The following VPS26B variants were observed in gnomAD, a reference collection of about 807,000 sequenced individuals.
The protein encoded by VPS26B is VPS26 retromer complex component B, also known as vacuolar protein sorting-associated protein 26B.
A neutral mutation model predicts 33.3 loss-of-function variants in VPS26B; 10 were observed. The ratio of observed to expected loss-of-function variants is 0.30; its 90% CI spans 0.19 to 0.51. The LOEUF (loss-of-function observed/expected upper bound fraction) is 0.51. VPS26B is among the 20% of genes least tolerant of loss of function. The pLI is 0.98. For missense variants in VPS26B, 317 were observed against 452.7 expected (o/e 0.70, Z 2.72); for synonymous variants, 190 against 176.9 (o/e 1.07, Z -0.59).
At chr11:134,241,829 A>T (rs1158401248) in intron 3 of VPS26B, among the ~76,000 whole-genome samples, 1 of 152,234 alleles carries the variant, frequency 6.6e-6, no homozygotes, top group Non-Finnish European at 1.5e-5. Flanking sequence ...TCCTGCTCTT[A>T]CACTAAGAAG....
rs542560 is a variant in VPS26B, at chr11:134,245,113, C to T, written c.864+33C>T. 1.2e-6 allele frequency: 2 copies of T among 1,611,508 alleles called. No individual in the cohort carries two copies. Among genetic ancestry groups the T allele is most frequent in the East Asian group, 2.2e-5 (1 of 44,864 alleles). On this transcript the variant is annotated intron_variant, in intron 5 of 5. Coordinates refer to ENST00000281187, the MANE Select transcript of VPS26B (RefSeq NM_052875.5). This position sits in a 1 kb window ranked among gnomAD's most constrained non-coding sequence, Gnocchi z 4.7. ...CCAGGCTCCTCCAGGCCCCGATGCC[C>T]TTGGGACAGAACAGGAGGCTCTCTT...
intron 1 of VPS26B, among the ~76,000 whole-genome samples, chr11:134,233,266 C>T (rs1253885710): frequency 6.6e-6 from 1 of 152,214 alleles, no homozygotes; most frequent in Admixed American, 6.5e-5. Context: ...TCTTCCTCCC[C>T]AAGCAGCAAA....
chr11:134,243,005 T>G, intron 3 of VPS26B, 114 bp from the exon 4 acceptor site: 1 of 1,008,760 alleles, frequency 9.9e-7, no homozygotes, highest in Admixed American at 2.0e-5. Flanking sequence ...GGTGAGTGTG[T>G]CCTGCAACTG....
At position 134,240,782 on chromosome 11, in the gene VPS26B, TGTGTGTGTGTCC is replaced by T. The variant is rs1449018921; in HGVS notation, c.545+638_545+649del. Among the ~76,000 whole-genome samples the T allele has an allele frequency of 3.6e-5, 5 of 138,012 alleles. No individual in the cohort carries two copies. The highest frequency in any genetic ancestry group is 5.0e-4 in the South Asian group (2 of 4,024). The allele number at this position is 138,012 out of a possible 152,430, so 90.5% of individuals were successfully genotyped here. ...CCCAGCTAATTTGTGTCCGTGTGTG[TGTGTGTGTGTCC>T]GTGTGTGTGTGTGTGTGTGTGTGTG... is the stretch of plus-strand genomic sequence containing the variant. On this transcript the variant is annotated intron_variant, in intron 3 of 5. Transcript: ENST00000281187. This position sits in a 1 kb window ranked among gnomAD's most constrained non-coding sequence, Gnocchi z 4.4.
At chr11:134,228,913 A>C (rs1938517484) in intron 1 of VPS26B, among the ~76,000 whole-genome samples, 2 of 152,182 alleles carry the variant, frequency 1.3e-5, no homozygotes. Flanking sequence ...AGTTGATAGC[A>C]CTGAGCTCTG....
rs747052317 is a variant in VPS26B at position 134,245,423 on chromosome 11, G to GC, written c.865-15dup. The stretch of plus-strand genomic sequence containing the variant: ...ATGCCTCCCTCTAAGGTGTCACATT[G>GC]CCCCCCTTTCAATTCTGCAGGAAGT... On this transcript the variant is annotated intron_variant, in intron 5 of 5. Transcript: ENST00000281187. This position sits in a 1 kb window ranked among gnomAD's most constrained non-coding sequence, Gnocchi z 4.7. 2.5e-6 allele frequency: 4 copies of GC among 1,613,726 alleles called. No homozygotes were observed. The highest frequency in any genetic ancestry group is 3.4e-6 in the Non-Finnish European group (4 of 1,179,716).
In VPS26B at chr11:134,240,774, CGT is replaced by C. The variant is rs145007065; in HGVS notation, c.545+636_545+637del. On this transcript the variant is annotated intron_variant, in intron 3 of 5. Coordinates refer to ENST00000281187, the MANE Select transcript of VPS26B (RefSeq NM_052875.5). The surrounding 1 kb of genome is among the most constrained non-coding windows in gnomAD (Gnocchi z 4.4). ...CCGCCACACCCAGCTAATTTGTGTC[CGT>C]GTGTGTGTGTGTGTGTCCGTGTGTG... 0.01 allele frequency among the ~76,000 whole-genome samples: 1,428 copies of C among 137,670 alleles called. 20 individuals carry two copies. Among genetic ancestry groups the C allele is most frequent in the African/African-American group, 0.033 (1,258 of 37,762 alleles). The allele number at this position is 137,670 out of a possible 152,430, so 90.3% of individuals were successfully genotyped here.
At position 134,224,806 on chromosome 11, in the gene VPS26B, A is replaced by T; in HGVS notation, c.-317A>T. ...GTGCGGCTGCCCCCCGCAGCATTGC[A>T]CGGCCGACCCTCGCCCGCCCACTGC... On this transcript the variant is annotated 5_prime_UTR_variant, in exon 1 of 6. Coordinates refer to ENST00000281187, the MANE Select transcript of VPS26B (RefSeq NM_052875.5). The T allele has an allele frequency of 6.5e-6, 1 of 154,246 alleles. No homozygotes were observed. Among genetic ancestry groups the T allele is most frequent in the East Asian group, 1.9e-4 (1 of 5,258 alleles). The allele number at this position is 154,246 out of a possible 1,614,324, so 9.6% of individuals were successfully genotyped here. A position where few individuals can be genotyped will look rare whatever the true frequency, so the allele number is the denominator to read the frequency against.
chr11:134,243,092 TTACTTTCTG>T lies in VPS26B; in HGVS notation c.546-16_546-8del, dbSNP rs771988678. ...AAGGTCTGGCCACAGTACCAACATC[TTACTTTCTG>T]TACTTTCTGTTCCCCAGATACCACT... On this transcript the variant is annotated intron_variant, in intron 3 of 5. Transcript: ENST00000281187. 2.6e-5 allele frequency: 42 copies of T among 1,612,704 alleles called. No homozygotes were observed. Among genetic ancestry groups the T allele is most frequent in the African/African-American group, 1.5e-4 (11 of 74,896 alleles).
At chr11:134,227,807 A>C (rs944494794) in intron 1 of VPS26B, among the ~76,000 whole-genome samples, 1 of 152,198 alleles carries the variant, frequency 6.6e-6, no homozygotes, top group Non-Finnish European at 1.5e-5. Context: ...GGGTTCCTTT[A>C]TAAAATTATG....
At chr11:134,229,816 C>G (rs1442327424) in intron 1 of VPS26B, among the ~76,000 whole-genome samples, 2 of 152,148 alleles carry the variant, frequency 1.3e-5, no homozygotes, top group African/African-American at 4.8e-5. Flanking sequence ...TCAGTCCTTT[C>G]TTAAAATTCT....
At position 134,240,073 on chromosome 11, in the gene VPS26B, T is replaced by G; in HGVS notation, c.463T>G (p.Tyr155Asp). Reference protein sequence around the residue: ...MDIVVHTLSTYPELNSSIKME... With the variant: ...MDIVVHTLSTDPELNSSIKME... ...CATTGTAGTTCACACACTCAGCACA[T>G]ACCCAGAGCTGAACTCTTCCATCAA... Residue 155 changes from tyrosine (Y) to aspartate (D), a missense_variant, in exon 3 of 6, where the codon TAC (tyrosine) becomes GAC (aspartate). Tyr to Asp is a radical substitution (Grantham distance 160). Coordinates refer to ENST00000281187, the MANE Select transcript of VPS26B (RefSeq NM_052875.5). The surrounding 1 kb of genome is among the most constrained non-coding windows in gnomAD (Gnocchi z 4.4). 6.2e-7 allele frequency: 1 copy of G among 1,614,130 alleles called. No homozygotes were observed. The highest frequency in any genetic ancestry group is 8.5e-7 in the Non-Finnish European group (1 of 1,179,964).
Position 134,240,417 on chromosome 11 carries a change from T to C in VPS26B, c.545+262T>C, listed in dbSNP as rs1035626541. Among the ~76,000 whole-genome samples, 2 of 152,200 alleles carry C rather than the reference T, an allele frequency of 1.3e-5. No homozygotes were observed. The highest frequency in any genetic ancestry group is 2.9e-5 in the Non-Finnish European group (2 of 68,036). ...TTTAAGTTAAACATCCTATGATGCC[T>C]CTCAGTCAAGCTAAACTAACTTGAG... On this transcript the variant is annotated intron_variant, in intron 3 of 5. Coordinates refer to ENST00000281187, the MANE Select transcript of VPS26B (RefSeq NM_052875.5). The surrounding 1 kb of genome is among the most constrained non-coding windows in gnomAD (Gnocchi z 4.4).
In VPS26B at chr11:134,240,113, T is replaced by G; in HGVS notation, c.503T>G (p.Ile168Ser). 1 of 1,614,228 alleles carries G rather than the reference T, an allele frequency of 6.2e-7. No individual in the cohort carries two copies. Among genetic ancestry groups the G allele is most frequent in the Non-Finnish European group, 8.5e-7 (1 of 1,180,042 alleles). Residue 168 changes from isoleucine (I) to serine (S), a missense_variant, in exon 3 of 6, where the codon ATT becomes AGT. Coordinates refer to ENST00000281187, the MANE Select transcript of VPS26B (RefSeq NM_052875.5). This position sits in a 1 kb window ranked among gnomAD's most constrained non-coding sequence, Gnocchi z 4.4. ...LNSSIKMEVG[I>S]EDCLHIEFEY... is the part of the protein sequence containing the mutation. ...TCTTCCATCAAGATGGAGGTTGGGA[T>G]TGAGGACTGTCTGCACATTGAATTT...
intron 2 of VPS26B, among the ~76,000 whole-genome samples, chr11:134,238,721 G>A (rs1444594171): frequency 3.3e-5 from 5 of 151,920 alleles, no homozygotes; most frequent in Non-Finnish European, 5.9e-5. Flanking sequence ...TCAGCCTCCC[G>A]AGTAGCTGGG....
chr11:134,224,969 CGCCCACTGCCCGGCGGCAGCGGCGGA>C lies in VPS26B; in HGVS notation c.-150_-125del. ...CCCCGTGGAGCCGGCTGTCCGTCGG[CGCCCACTGCCCGGCGGCAGCGGCGGA>C]GCCAGGCAGCCCCGCGGCGGCCGAG... On this transcript the variant is annotated 5_prime_UTR_variant, in exon 1 of 6. Coordinates refer to ENST00000281187, the MANE Select transcript of VPS26B (RefSeq NM_052875.5). The C allele has an allele frequency of 2.0e-6, 1 of 494,738 alleles. No homozygotes were observed. 30.6% of individuals were successfully genotyped at this position (494,738 alleles called of 1,614,324 possible).
rs1204277086 is a variant in VPS26B, at chr11:134,246,744, A to G, written c.*1154A>G. 1 of 152,350 alleles carries G rather than the reference A, an allele frequency of 6.6e-6. No homozygotes were observed. The highest frequency in any genetic ancestry group is 2.4e-5 in the African/African-American group (1 of 41,354). The allele number at this position is 152,350 out of a possible 1,614,324, so 9.4% of individuals were successfully genotyped here. ...GACCATTGGTATCGTGTGTTTAAAA[A>G]ACACATATAAAAAAACTCTTGTGAA... On this transcript the variant is annotated 3_prime_UTR_variant, in exon 6 of 6. Coordinates refer to ENST00000281187, the MANE Select transcript of VPS26B (RefSeq NM_052875.5).
chr11:134,226,912 TTTG>T (rs1938485817), intron 1 of VPS26B, among the ~76,000 whole-genome samples: 1 of 152,162 alleles, frequency 6.6e-6, no homozygotes, highest in African/African-American at 2.4e-5. Flanking sequence ...CAGGAAGCTC[TTTG>T]TTGTTATTTT....
At chr11:134,234,841 C>A in intron 1 of VPS26B, 56 bp from the exon 2 acceptor site, 1 of 1,583,932 alleles carries the variant, frequency 6.3e-7, no homozygotes. Flanking sequence ...CCCTACTCGG[C>A]CCGGTGTAGC....
Sources: allele counts gnomAD v4.1 joint callset (sites outside exome capture counted in the v4.1 genomes callset), GRCh38; gene constraint gnomAD v4.1.1; non-coding constraint Gnocchi (gnomAD v3.1); transcripts MANE v1.5; gene names NCBI Gene and HGNC (gene_info 2026-07-23, HGNC 2026-07-21).